The following COMP variants were observed in gnomAD, a reference collection of about 807,000 sequenced individuals.
COMP encodes the protein cartilage oligomeric matrix protein (pseudoachondroplasia, epiphyseal dysplasia 1, multiple).
A neutral mutation model predicts 95.8 loss-of-function variants in COMP; 79 were observed. That is an observed-to-expected ratio of 0.82 (90% confidence interval 0.69 to 0.99). COMP has a LOEUF of 0.99. Among genes scored for constraint, COMP ranks in the 50% least tolerant of loss-of-function variants. COMP has a pLI of 0.00. For synonymous variants in COMP, 438 were observed against 433.9 expected (o/e 1.01, Z -0.12); for missense variants, 906 against 1,076.1 (o/e 0.84, Z 2.21).
In COMP at chr19:18,789,006, T is replaced by A. The variant is rs2055191156; in HGVS notation, c.529-93A>T. The stretch of plus-strand genomic sequence containing the variant: ...CTTCCTCCGCATCCTGCCTCTCCCC[T>A]CCATCCTGCCCCAAACCGATCAGCC... On this transcript the variant is annotated intron_variant, in intron 5 of 18. Transcript: ENST00000222271. The surrounding 1 kb of genome is among the most constrained non-coding windows in gnomAD (Gnocchi z 6.1). 3.9e-6 allele frequency: 6 copies of A among 1,550,646 alleles called. No homozygotes were observed. The South Asian group carries it at 4.6e-5, about 12-fold the overall frequency.
At chr19:18,786,375 TC>T in intron 11 of COMP, 84 bp from the exon 12 acceptor site, 2 of 1,598,016 alleles carry the variant, frequency 1.3e-6, no homozygotes, top group Non-Finnish European at 1.7e-6. Context: ...ACAGCCAAGG[TC>T]CTCCTGACCC....
rs1223253308 is a variant in COMP, at chr19:18,788,215, T to C, written c.972A>G (p.Glu324=). 3.7e-6 allele frequency: 6 copies of C among 1,612,698 alleles called. No homozygotes were observed. The highest frequency in any genetic ancestry group is 5.1e-6 in the Non-Finnish European group (6 of 1,179,766). ...CCGTGCCGAGCCGTAGATCTACCTT[T>C]TCATTGGGGACCCCGTCCCCGTCGG... ...PDADGDGVPN[E]KDNCPLVRNP... is the part of the protein sequence containing the mutation. Residue 324 remains glutamate, a synonymous_variant, in exon 9 of 19, where the codon GAA becomes GAG. Coordinates refer to ENST00000222271, the MANE Select transcript of COMP (RefSeq NM_000095.3). This position sits in a 1 kb window ranked among gnomAD's most constrained non-coding sequence, Gnocchi z 4.7.
At position 18,786,015 on chromosome 19, in the gene COMP, C is replaced by T; in HGVS notation, c.1439G>A (p.Ser480Asn). Residue 480 changes from serine (S) to asparagine (N), a missense_variant, in exon 13 of 19, where the codon AGT (serine) becomes AAT (asparagine). Ser to Asn is a conservative substitution (Grantham distance 46). Transcript: ENST00000222271. ...DDDDNDGVPD[S>N]RDNCRLVPNP... ...AGGCACCAGGCGGCAGTTGTCCCGA[C>T]TGTCAGGGACTCCGTCATTGTCGTC... 6.2e-7 allele frequency: 1 copy of T among 1,613,592 alleles called. No individual in the cohort carries two copies. Among genetic ancestry groups the T allele is most frequent in the South Asian group, 1.1e-5 (1 of 91,062 alleles).
intron 2 of COMP, 81 bp downstream of exon 2, chr19:18,790,769 G>T: frequency 6.3e-7 from 1 of 1,591,098 alleles, no homozygotes; most frequent in South Asian, 1.1e-5. Flanking sequence ...CCACCTTCTC[G>T]GGTACTTCCT....
chr19:18,787,472 C>CA lies in COMP; in HGVS notation c.1135+18dup, dbSNP rs1198246288. On this transcript the variant is annotated intron_variant, in intron 10 of 18. Transcript: ENST00000222271. ...GTGCCCGCCGCCTCTCCTCGCCCCC[C>CA]AACCCCCATCGAGCTCACGGTCGCC... 3.1e-6 allele frequency: 5 copies of CA among 1,609,860 alleles called. No homozygotes were observed. Among genetic ancestry groups the CA allele is most frequent in the Non-Finnish European group, 4.2e-6 (5 of 1,179,940 alleles).
intron 1 of COMP, 92 bp from the exon 2 acceptor site, chr19:18,791,027 C>G (rs556482844): frequency 2.0e-6 from 3 of 1,524,616 alleles, no homozygotes; most frequent in Non-Finnish European, 2.6e-6. Flanking sequence ...CCTCCGAGGC[C>G]CCACTGCGCT....
chr19:18,785,229 C>T (rs2055156370), intron 15 of COMP, 137 bp from the exon 16 acceptor site: 1 of 954,524 alleles, frequency 1.0e-6, no homozygotes. Context: ...AGAGCCCGGA[C>T]TCAGCCACGC....
At position 18,783,364 on chromosome 19, in the gene COMP, G is replaced by C. The variant is rs996493901; in HGVS notation, c.2088-171C>G. ...GGTGTGGTGGACATCAAGGGCCCTGGACATAGTTGGTGCTAAACAGAGCAC... is the reference window on the plus strand; with the variant it reads ...GGTGTGGTGGACATCAAGGGCCCTGCACATAGTTGGTGCTAAACAGAGCAC... On this transcript the variant is annotated intron_variant, in intron 17 of 18. Transcript: ENST00000222271. 5.3e-5 allele frequency among the ~76,000 whole-genome samples: 8 copies of C among 152,310 alleles called. No individual in the cohort carries two copies. In the East Asian group the frequency reaches 1.5e-3, roughly 29 times the overall value.
Position 18,790,873 on chromosome 19 carries a change from C to T in COMP, c.142G>A (p.Val48Met), listed in dbSNP as rs1418225765. 5.7e-6 allele frequency: 9 copies of T among 1,567,922 alleles called. No individual in the cohort carries two copies. The highest frequency in any genetic ancestry group is 2.7e-5 in the African/African-American group (2 of 74,008). Residue 48 changes from valine to methionine, a missense_variant, in exon 2 of 19, where the codon GTG becomes ATG. Coordinates refer to ENST00000222271, the MANE Select transcript of COMP (RefSeq NM_000095.3). ...LQETNAALQD[V>M]RELLRQQVRE... ...ACCTGCTGCCGCAGCAGCTCCCGCA[C>T]GTCCTGCAGCGCCGCGTTGGTTTCC...
intron 15 of COMP, 45 bp from the exon 16 acceptor site, chr19:18,785,137 A>AGCCCCC (rs1277078591): frequency 1.9e-6 from 3 of 1,596,118 alleles, no homozygotes. Context: ...CGCCAGCCCC[A>AGCCCCC]GCCCCCGGAA....
At position 18,784,831 on chromosome 19, in the gene COMP, G is replaced by C. The variant is rs2145899513; in HGVS notation, c.1914+65C>G. 1 of 1,563,072 alleles carries C rather than the reference G, an allele frequency of 6.4e-7. No homozygotes were observed. The highest frequency in any genetic ancestry group is 2.2e-5 in the East Asian group (1 of 44,670). ...CTGGGGGGCTCTAAGGGCTGTAAAG[G>C]GTTTTACGGAGGGTCATGGGAGGGC... On this transcript the variant is annotated intron_variant, in intron 16 of 18. Coordinates refer to ENST00000222271, the MANE Select transcript of COMP (RefSeq NM_000095.3). This position sits in a 1 kb window ranked among gnomAD's most constrained non-coding sequence, Gnocchi z 4.9.
At chr19:18,786,471 G>C (rs1249610797) in intron 11 of COMP, 61 bp downstream of exon 11, 10 of 1,547,842 alleles carry the variant, frequency 6.5e-6, no homozygotes, top group Non-Finnish European at 8.9e-6. Context: ...CTGTGGGCTG[G>C]GTAATCCAAC....
rs1340171582 is a variant in COMP at position 18,788,606 on chromosome 19, A to G, written c.748T>C (p.Ser250Pro). Residue 250 changes from serine to proline, a missense_variant, in exon 7 of 19, where the codon TCG (serine) becomes CCG (proline). Ser to Pro is a moderately conservative substitution (Grantham distance 74). Coordinates refer to ENST00000222271, the MANE Select transcript of COMP (RefSeq NM_000095.3). This position sits in a 1 kb window ranked among gnomAD's most constrained non-coding sequence, Gnocchi z 4.7. ...CCCGCACTCACCACGCACGACCGCG[A>G]GCCATCGCGCTCTAGGACGCAGTCT... is the stretch of plus-strand genomic sequence containing the variant. ...HADCVLERDG[S>P]RSCVCAVGWA... 3.2e-6 allele frequency: 5 copies of G among 1,551,620 alleles called. No homozygotes were observed. Among genetic ancestry groups the G allele is most frequent in the Non-Finnish European group, 4.4e-6 (5 of 1,148,188 alleles).
At position 18,787,647 on chromosome 19, in the gene COMP, T is replaced by C; in HGVS notation, c.979A>G (p.Asn327Asp). Residue 327 changes from asparagine to aspartate, a missense_variant, in exon 10 of 19, where the codon AAC becomes GAC. Physicochemically the swap from Asn to Asp is conservative, Grantham distance 23. Coordinates refer to ENST00000222271, the MANE Select transcript of COMP (RefSeq NM_000095.3). ...DGDGVPNEKD[N>D]CPLVRNPDQR... ...TCTGGGTTCCGCACCAGCGGGCAGT[T>C]GTCCTGGATGACAGGGTGGGTTAAG... 1.2e-6 allele frequency: 2 copies of C among 1,613,786 alleles called. No homozygotes were observed. The highest frequency in any genetic ancestry group is 2.2e-5 in the South Asian group (2 of 91,084).
chr19:18,790,447 C>T, intron 3 of COMP, 115 bp downstream of exon 3: 1 of 1,342,738 alleles, frequency 7.4e-7, no homozygotes, highest in South Asian at 1.2e-5. Context: ...ACCTCTCCGT[C>T]AGCCTCCATC....
chr19:18,788,306 G>T lies in COMP; in HGVS notation c.881C>A (p.Thr294Asn), dbSNP rs774577435. The change falls in exon 9 of 19, where the codon ACT becomes AAT. Residue 294 changes from threonine to asparagine, a missense_variant. Coordinates refer to ENST00000222271, the MANE Select transcript of COMP (RefSeq NM_000095.3). This position sits in a 1 kb window ranked among gnomAD's most constrained non-coding sequence, Gnocchi z 4.7. ...ERQCRKDNCV[T>N]VPNSGQEDVD... ...ATCCTCCTGCCCTGAGTTGGGCACA[G>T]TCACGCAGTTGTCCTGGGGGCGGGC... 3.3e-5 allele frequency: 53 copies of T among 1,611,932 alleles called. No homozygotes were observed. Among genetic ancestry groups the T allele is most frequent in the Non-Finnish European group, 4.4e-5 (52 of 1,179,852 alleles).
intron 17 of COMP, 90 bp from the exon 18 acceptor site, chr19:18,783,283 C>G (rs1004112824): frequency 1.2e-5 from 19 of 1,539,720 alleles, no homozygotes; most frequent in Middle Eastern, 4.2e-4. Context: ...GATGGGTACC[C>G]CTGACTGGGC....
chr19:18,791,160 T>C, intron 1 of COMP, 31 bp downstream of exon 1: 1 of 1,561,702 alleles, frequency 6.4e-7, no homozygotes, highest in Non-Finnish European at 8.7e-7. Flanking sequence ...TGTGGGGCCG[T>C]GGGCACGGCG....
At position 18,790,638 on chromosome 19, in the gene COMP, G is replaced by A. The variant is rs754050306; in HGVS notation, c.166-25C>T. 12 of 1,613,682 alleles carry A rather than the reference G, an allele frequency of 7.4e-6. No homozygotes were observed. The East Asian group carries it at 2.7e-4, about 36-fold the overall frequency. ...CCTGCAGGGGTGGGATGGAATCAGC[G>A]GGGTCCCAACCTCTCCTCATCCCTC... is the stretch of plus-strand genomic sequence containing the variant. On this transcript the variant is annotated intron_variant, in intron 2 of 18. Transcript: ENST00000222271.
Sources: gnomAD v4.1 joint callset for allele counts (sites outside exome capture counted in the v4.1 genomes callset) on GRCh38, gnomAD v4.1.1 for gene constraint, Gnocchi (gnomAD v3.1) non-coding constraint, MANE v1.5 for transcripts, NCBI Gene and HGNC (gene_info 2026-07-23, HGNC 2026-07-21) for gene names.